Variants in APBA1 observed in about 807,000 individuals in gnomAD.
APBA1 encodes the protein amyloid-beta A4 precursor protein-binding family A member 1.
In APBA1, 55 loss-of-function variants were observed where a neutral mutation model predicts 86.6. That is an observed-to-expected ratio of 0.64 (90% CI 0.51 to 0.80). The LOEUF (loss-of-function observed/expected upper bound fraction) is 0.80, where lower values mean the gene tolerates loss of function less well. Ranked by LOEUF, APBA1 falls within the 30% of genes least tolerant of loss-of-function variation. APBA1 has a pLI of 0.00. For synonymous variants in APBA1, 511 were observed against 493.9 expected (o/e 1.03, Z -0.46); for missense variants, 1,090 against 1,183.0 (o/e 0.92, Z 1.15).
At chr9:69,664,611 T>C (rs571943141) in intron 1 of APBA1, among the ~76,000 whole-genome samples, 1 of 152,372 alleles carries the variant, frequency 6.6e-6, no homozygotes, top group African/African-American at 2.4e-5. Context: ...AATAATTTTA[T>C]ATAATGTGAC....
At chr9:69,592,000 C>A (rs1195713991) in intron 1 of APBA1, among the ~76,000 whole-genome samples, 1 of 152,202 alleles carries the variant, frequency 6.6e-6, no homozygotes, top group Non-Finnish European at 1.5e-5. Flanking sequence ...AAGACATGCT[C>A]GTTTCCTAAG....
chr9:69,647,939 T>C (rs2134013491), intron 1 of APBA1, among the ~76,000 whole-genome samples: 1 of 152,328 alleles, frequency 6.6e-6, no homozygotes, highest in East Asian at 1.9e-4. Context: ...ATGGGGTTGA[T>C]AAAGACAGGC....
chr9:69,600,229 C>A (rs1822319475), intron 1 of APBA1, among the ~76,000 whole-genome samples: 1 of 152,164 alleles, frequency 6.6e-6, no homozygotes, highest in South Asian at 2.1e-4. Flanking sequence ...TGGCCAAAAA[C>A]AATTTCCGCT....
intron 10 of APBA1, among the ~76,000 whole-genome samples, chr9:69,448,430 TTAAGTA>T (rs1239962967): frequency 4.6e-5 from 7 of 152,214 alleles, no homozygotes; most frequent in East Asian, 1.9e-4. Flanking sequence ...TAGAATTTAT[TTAAGTA>T]TAAGATATAA....
At chr9:69,618,368 C>G (rs774355082) in intron 1 of APBA1, among the ~76,000 whole-genome samples, 1 of 152,066 alleles carries the variant, frequency 6.6e-6, no homozygotes, top group Non-Finnish European at 1.5e-5. Context: ...TGTGTTTGCG[C>G]GATGCACAAG....
intron 2 of APBA1, among the ~76,000 whole-genome samples, chr9:69,511,121 C>A (rs55901310): frequency 6.6e-6 from 1 of 151,226 alleles, no homozygotes; most frequent in South Asian, 2.1e-4. Context: ...AAACTACCAT[C>A]AGAGTGAACA....
At chr9:69,624,539 C>T (rs1822889901) in intron 1 of APBA1, among the ~76,000 whole-genome samples, 1 of 152,142 alleles carries the variant, frequency 6.6e-6, no homozygotes, top group African/African-American at 2.4e-5. Context: ...ACCATGACTC[C>T]ACAGAGCTTG....
rs542801088 is a variant in APBA1, at chr9:69,441,100, A to G, written c.2197T>C (p.Ser733Pro). 1 of 1,614,008 alleles carries G rather than the reference A, an allele frequency of 6.2e-7. No homozygotes were observed. The highest frequency in any genetic ancestry group is 1.1e-5 in the South Asian group (1 of 91,068). ...QSIIKGLKNQSRVKLNIVRCP... is the reference protein window; with the variant it reads ...QSIIKGLKNQPRVKLNIVRCP... The stretch of plus-strand genomic sequence containing the variant: ...CTCACGATATTCAGCTTGACTCGGG[A>G]CTGATTCTTTAAGCCCTTAAACATG... Residue 733 changes from serine to proline, a missense_variant, in exon 11 of 13, where the codon TCC (serine) becomes CCC (proline). Transcript: ENST00000265381.
In APBA1 at chr9:69,516,624, T is replaced by G. The variant is rs1180050695; in HGVS notation, c.587A>C (p.His196Pro). The G allele has an allele frequency of 1.2e-6, 2 of 1,607,500 alleles. No individual in the cohort carries two copies. The highest frequency in any genetic ancestry group is 4.5e-5 in the East Asian group (2 of 44,792). The change falls in exon 2 of 13, where the codon CAC becomes CCC. Residue 196 changes from histidine (H) to proline (P), a missense_variant. Around this residue, in one of 6 missense-constraint regions of APBA1, gnomAD observed 678 missense variants for 647.1 expected, o/e 1.05. Transcript: ENST00000265381. The surrounding 1 kb of genome is among the most constrained non-coding windows in gnomAD (Gnocchi z 7.3). ...CGCGTCCCCTATCTCCTCGTACACGTGCTCCTGGAGGCCGCCGTAGTCGGC... is the reference window on the plus strand; with the variant it reads ...CGCGTCCCCTATCTCCTCGTACACGGGCTCCTGGAGGCCGCCGTAGTCGGC... Reference protein sequence around the residue: ...PYADYGGLQEHVYEEIGDAPE... With the variant: ...PYADYGGLQEPVYEEIGDAPE...
At chr9:69,632,061 A>G (rs903718578) in intron 1 of APBA1, among the ~76,000 whole-genome samples, 13 of 151,954 alleles carry the variant, frequency 8.6e-5, no homozygotes, top group Non-Finnish European at 1.6e-4. Flanking sequence ...AAATAAAAAT[A>G]AAAAATAAAT....
chr9:69,457,721 C>A (rs1252190712), intron 6 of APBA1, among the ~76,000 whole-genome samples: 1 of 152,188 alleles, frequency 6.6e-6, no homozygotes, highest in African/African-American at 2.4e-5. Context: ...AGAAGCTCCA[C>A]AACCAAAAAG....
At chr9:69,432,931 T>A (rs910590839) in intron 11 of APBA1, among the ~76,000 whole-genome samples, 1 of 152,084 alleles carries the variant, frequency 6.6e-6, no homozygotes, top group Non-Finnish European at 1.5e-5. Context: ...GAATTCTACT[T>A]CTCATCCCAG....
Position 69,428,852 on chromosome 9 carries a change from T to G in APBA1, c.*2475A>C, listed in dbSNP as rs1834536364. 6.6e-6 allele frequency: 1 copy of G among 152,184 alleles called. No individual in the cohort carries two copies. The highest frequency in any genetic ancestry group is 2.4e-5 in the African/African-American group (1 of 41,452). The allele number at this position is 152,184 out of a possible 1,614,324, so 9.4% of individuals were successfully genotyped here. A position where few individuals can be genotyped will look rare whatever the true frequency, so the allele number is the denominator to read the frequency against. On this transcript the variant is annotated 3_prime_UTR_variant, in exon 13 of 13. Coordinates refer to ENST00000265381, the MANE Select transcript of APBA1 (RefSeq NM_001163.4). ...CCGAGCTCCAGCAACTTCCACTCAC[T>G]GGGTGTGAAGACACACCTGGATTAA... is the stretch of plus-strand genomic sequence containing the variant.
chr9:69,607,831 TA>T (rs1046199102), intron 1 of APBA1, among the ~76,000 whole-genome samples: 45 of 152,328 alleles, frequency 3.0e-4, no homozygotes, highest in African/African-American at 1.0e-3. Flanking sequence ...GGCTGTTTGA[TA>T]GGTTTCTTAG....
chr9:69,502,569 T>A (rs567143379), intron 2 of APBA1, among the ~76,000 whole-genome samples: 1 of 152,184 alleles, frequency 6.6e-6, no homozygotes, highest in South Asian at 2.1e-4. Context: ...GAAAAACGTC[T>A]CATTTTGTTG....
rs568323646 is a variant in APBA1 at position 69,604,544 on chromosome 9, G to A, written c.-70+67609C>T. Reference sequence around the variant, plus strand: ...CATGAGGGTAACAGGAGAGGCACACGAGTGTGGGCACACATGCACACACAT... The same window carrying A: ...CATGAGGGTAACAGGAGAGGCACACAAGTGTGGGCACACATGCACACACAT... On this transcript the variant is annotated intron_variant, in intron 1 of 12. Coordinates refer to ENST00000265381, the MANE Select transcript of APBA1 (RefSeq NM_001163.4). Among the ~76,000 whole-genome samples, 10 of 142,112 alleles carry A rather than the reference G, an allele frequency of 7.0e-5. No homozygotes were observed. The East Asian group carries it at 2.3e-3, about 32-fold the overall frequency. The allele number at this position is 142,112 out of a possible 152,430, so 93.2% of individuals were successfully genotyped here. A position where few individuals can be genotyped will look rare whatever the true frequency, so the allele number is the denominator to read the frequency against.
intron 1 of APBA1, among the ~76,000 whole-genome samples, chr9:69,613,950 T>C (rs1265803753): frequency 6.7e-6 from 1 of 148,650 alleles, no homozygotes; most frequent in East Asian, 1.9e-4. Flanking sequence ...TTGCAAAATA[T>C]TTTTTTTTAC....
At chr9:69,637,461 G>A (rs1260864213) in intron 1 of APBA1, among the ~76,000 whole-genome samples, 2 of 152,140 alleles carry the variant, frequency 1.3e-5, no homozygotes, top group Non-Finnish European at 2.9e-5. Context: ...TTGTATGGCT[G>A]TATCAAAATA....
intron 1 of APBA1, among the ~76,000 whole-genome samples, chr9:69,527,392 A>G (rs894890801): frequency 6.6e-6 from 1 of 152,126 alleles, no homozygotes; most frequent in Non-Finnish European, 1.5e-5. Flanking sequence ...AGATCAATTA[A>G]TCAAACAACA....
Sources: allele counts gnomAD v4.1 joint callset (sites outside exome capture counted in the v4.1 genomes callset), GRCh38; gene constraint gnomAD v4.1.1; regional missense constraint gnomAD v4.1.1; non-coding constraint Gnocchi (gnomAD v3.1); transcripts MANE v1.5; gene names NCBI Gene and HGNC (gene_info 2026-07-23, HGNC 2026-07-21).